Variants in RPL13A observed in about 807,000 individuals in gnomAD.
RPL13A encodes the protein large ribosomal subunit protein uL13.
RPL13A carries 4 observed loss-of-function variants against 30.8 expected under a neutral mutation model. The observed-to-expected ratio is 0.13, with a 90% CI of 0.06 to 0.30. The LOEUF is 0.30. RPL13A is among the 10% of genes least tolerant of loss of function. The probability of loss-of-function intolerance (pLI) is 1.00; values close to 1 mark genes in which losing one functional copy is unlikely to be tolerated. For synonymous variants in RPL13A, 108 were observed against 104.2 expected, an observed-to-expected ratio of 1.04 and a Z score of -0.22; for missense variants, 196 against 272.6, an observed-to-expected ratio of 0.72 and a Z score of 1.98.
At position 49,488,114 on chromosome 19, in the gene RPL13A, C is replaced by T. The variant is rs1010490427; in HGVS notation, c.15+470C>T. Among the ~76,000 whole-genome samples the T allele has an allele frequency of 5.9e-5, 9 of 152,282 alleles. No homozygotes were observed. The South Asian group carries it at 6.2e-4, about 11-fold the overall frequency. ...TTTGATTTCACGTGGAGGTGTTAAT[C>T]GGGGTCCCCTGCAGCTCCGGTTCTT... is the stretch of plus-strand genomic sequence containing the variant. On this transcript the variant is annotated intron_variant, in intron 1 of 7. Coordinates refer to ENST00000391857, the MANE Select transcript of RPL13A (RefSeq NM_012423.4).
chr19:49,491,015 T>C (rs750434651), intron 5 of RPL13A, 25 bp from the exon 6 acceptor site: 1 of 1,614,154 alleles, frequency 6.2e-7, no homozygotes, highest in South Asian at 1.1e-5. Flanking sequence ...TCCCGGGCTC[T>C]TAAGCCCCTC....
chr19:49,491,566 G>T lies in RPL13A; in HGVS notation c.525+19G>T. The T allele has an allele frequency of 6.4e-7, 1 of 1,552,588 alleles. No homozygotes were observed. Among genetic ancestry groups the T allele is most frequent in the East Asian group, 2.4e-5 (1 of 41,998 alleles). ...GCTCATGGTGAGGCCAGGGGCTGGT[G>T]CTGAGGGGGGCATCTCACTCCTGGA... On this transcript the variant is annotated intron_variant, in intron 7 of 7. Transcript: ENST00000391857.
Position 49,491,405 on chromosome 19 carries a change from C to CCT in RPL13A, c.403-19_403-18insTC. 5.3e-6 allele frequency: 1 copy of CCT among 187,714 alleles called. No individual in the cohort carries two copies. Among genetic ancestry groups the CCT allele is most frequent in the Non-Finnish European group, 1.0e-5 (1 of 100,438 alleles). 11.6% of individuals were successfully genotyped at this position (187,714 alleles called of 1,614,324 possible). A position where few individuals can be genotyped will look rare whatever the true frequency, so the allele number is the denominator to read the frequency against. On this transcript the variant is annotated intron_variant, in intron 6 of 7. Transcript: ENST00000391857. ...ATCCTTACAACTTCATTTGTTCACC[C>CCT]CCCCCCCCCCCCCCCGCAGTTTGCC...
At chr19:49,491,402 A>ACCCCCCCCCCCCCCCCCCCCCCCCCCC in intron 6 of RPL13A, 23 bp from the exon 7 acceptor site, 1 of 236,632 alleles carries the variant, frequency 4.2e-6, no homozygotes, top group Non-Finnish European at 7.8e-6. Context: ...TCATTTGTTC[A>ACCCCCCCCCCCCCCCCCCCCCCCCCCC]CCCCCCCCCC....
rs71180637 is a variant in RPL13A, at chr19:49,491,402, A to ACCCCCCCC, written c.403-12_403-5dup. The ACCCCCCCC allele has an allele frequency of 9.7e-5, 23 of 237,304 alleles. 4 individuals are homozygous for ACCCCCCCC. The highest frequency in any genetic ancestry group is 1.1e-4 in the Admixed American group (2 of 18,364). 14.7% of individuals were successfully genotyped at this position (237,304 alleles called of 1,614,324 possible). ...GATATCCTTACAACTTCATTTGTTC[A>ACCCCCCCC]CCCCCCCCCCCCCCCCCCGCAGTTT... is the stretch of plus-strand genomic sequence containing the variant. On this transcript the variant is annotated intron_variant, in intron 6 of 7. Transcript: ENST00000391857.
rs559917649 is a variant in RPL13A at position 49,491,878 on chromosome 19, T to G, written c.*63T>G. 7.5e-7 allele frequency: 1 copy of G among 1,338,718 alleles called. No homozygotes were observed. Among genetic ancestry groups the G allele is most frequent in the Non-Finnish European group, 1.0e-6 (1 of 957,334 alleles). The allele number at this position is 1,338,718 out of a possible 1,614,324, so 82.9% of individuals were successfully genotyped here. The stretch of plus-strand genomic sequence containing the variant: ...CCCTTCCTCCATTGTTGCCCTGGAA[T>G]GTACGGGACCCAGGGGCAGCAGCAG... On this transcript the variant is annotated 3_prime_UTR_variant, in exon 8 of 8. Transcript: ENST00000391857.
chr19:49,491,187 C>T, intron 6 of RPL13A, 88 bp downstream of exon 6: 3 of 1,447,774 alleles, frequency 2.1e-6, no homozygotes, highest in Non-Finnish European at 2.9e-6. Context: ...CAGATGATGT[C>T]CTTATCTCAC....
chr19:49,490,752 C>G (rs756223362), intron 4 of RPL13A, 27 bp from the exon 5 acceptor site: 1 of 1,613,198 alleles, frequency 6.2e-7, no homozygotes, highest in South Asian at 1.1e-5. Context: ...GGCCCTCTGA[C>G]TGGGCCTGCT....
chr19:49,492,106 A>T lies in RPL13A; in HGVS notation c.*291A>T. On this transcript the variant is annotated 3_prime_UTR_variant, in exon 8 of 8. Transcript: ENST00000391857. ...GAGGGCCCTATCTTGTGAGTGGGGC[A>T]TCTGTTGGACTTTCCACCTGGTCAT... The T allele has an allele frequency of 2.6e-6, 1 of 379,210 alleles. No individual in the cohort carries two copies. The highest frequency in any genetic ancestry group is 5.0e-6 in the Non-Finnish European group (1 of 201,836). 23.5% of individuals were successfully genotyped at this position (379,210 alleles called of 1,614,324 possible).
rs749197790 is a variant in RPL13A at position 49,491,710 on chromosome 19, C to T, written c.526-19C>T. On this transcript the variant is annotated intron_variant, in intron 7 of 7. Transcript: ENST00000391857. The stretch of plus-strand genomic sequence containing the variant: ...TGCAACCCCTCCTGACCACCACCAC[C>T]TGCACTTATTCTTGGCAGAGGCTAC... The T allele has an allele frequency of 1.2e-6, 2 of 1,611,112 alleles. No individual in the cohort carries two copies. The highest frequency in any genetic ancestry group is 1.7e-5 in the Admixed American group (1 of 59,612).
At chr19:49,490,949 T>G in intron 5 of RPL13A, 85 bp downstream of exon 5, 3 of 1,605,262 alleles carry the variant, frequency 1.9e-6, no homozygotes, top group Non-Finnish European at 2.6e-6. Flanking sequence ...TTGATCCTCA[T>G]GAAAGCAGCA....
rs777774368 is a variant in RPL13A at position 49,487,635 on chromosome 19, G to A, written c.6G>A (p.Ala2=). 2.1e-5 allele frequency: 33 copies of A among 1,572,764 alleles called. No individual in the cohort carries two copies. The South Asian group carries it at 2.9e-4, about 14-fold the overall frequency. Residue 2 remains alanine (A), a synonymous_variant, in exon 1 of 8, where the codon GCG becomes GCA. Transcript: ENST00000391857. M[A]EVQVLVLDGR... ...TTTCCAAGCGGCTGCCGAAGATGGC[G>A]GAGGTGCAGGTATGGGCTCCGCGCG...
intron 4 of RPL13A, 63 bp from the exon 5 acceptor site, chr19:49,490,716 A>C: frequency 6.3e-7 from 1 of 1,579,572 alleles, no homozygotes; most frequent in Middle Eastern, 1.7e-4. Context: ...GGCCCACCTC[A>C]GTGGGGTGGG....
Position 49,491,022 on chromosome 19 carries a change from CCT to C in RPL13A, c.343-13_343-12del, listed in dbSNP as rs754669732. On this transcript the variant is annotated splice_polypyrimidine_tract_variant and intron_variant, in intron 5 of 7. Coordinates refer to ENST00000391857, the MANE Select transcript of RPL13A (RefSeq NM_012423.4). ...TCTGTCCCTCCCGGGCTCTTAAGCC[CCT>C]CTCTTTCTCTAACAGAAAAAGCGGA... 7 of 1,614,108 alleles carry C rather than the reference CCT, an allele frequency of 4.3e-6. No homozygotes were observed. The highest frequency in any genetic ancestry group is 1.1e-5 in the South Asian group (1 of 91,092).
Position 49,489,844 on chromosome 19 carries a change from C to T in RPL13A, c.16-6C>T. 2 of 1,612,440 alleles carry T rather than the reference C, an allele frequency of 1.2e-6. No homozygotes were observed. The highest frequency in any genetic ancestry group is 1.7e-6 in the Non-Finnish European group (2 of 1,178,820). On this transcript the variant is annotated splice_region_variant and splice_polypyrimidine_tract_variant and intron_variant, in intron 1 of 7. Transcript: ENST00000391857. Reference sequence around the variant, plus strand: ...CTCTGAGTCCTTTTGCCCTTGTCTCCCACAGGTCCTGGTGCTTGATGGTCG... The same window carrying T: ...CTCTGAGTCCTTTTGCCCTTGTCTCTCACAGGTCCTGGTGCTTGATGGTCG...
chr19:49,490,663 A>G (rs1277502478), intron 4 of RPL13A, 87 bp downstream of exon 4: 3 of 1,571,792 alleles, frequency 1.9e-6, no homozygotes, highest in East Asian at 2.2e-5. Context: ...TTTCCCGACC[A>G]TGAGATGACT....
At chr19:49,491,326 A>C in intron 6 of RPL13A, 99 bp from the exon 7 acceptor site, 1 of 1,253,124 alleles carries the variant, frequency 8.0e-7, no homozygotes, top group Non-Finnish European at 1.2e-6. Context: ...CCCAGCTGTC[A>C]GTCACCTCCC....
chr19:49,490,958 C>T lies in RPL13A; in HGVS notation c.343-82C>T, dbSNP rs771952959. On this transcript the variant is annotated intron_variant, in intron 5 of 7. Coordinates refer to ENST00000391857, the MANE Select transcript of RPL13A (RefSeq NM_012423.4). Reference sequence around the variant, plus strand: ...CATTGTTTGATCCTCATGAAAGCAGCACTGGCTGAGACGCCAGTCCAGCCG... The same window carrying T: ...CATTGTTTGATCCTCATGAAAGCAGTACTGGCTGAGACGCCAGTCCAGCCG... The T allele has an allele frequency of 9.4e-6, 15 of 1,599,162 alleles. 1 individual carries two copies. In the South Asian group the frequency reaches 1.5e-4, roughly 16 times the overall value.
Position 49,491,974 on chromosome 19 carries a change from C to G in RPL13A, c.*159C>G. ...GGAAAGGGTCTTAGTCACTGCCTCCCGAAGTTGCTTGAAAGCACTCGGAGA... is the reference window on the plus strand; with the variant it reads ...GGAAAGGGTCTTAGTCACTGCCTCCGGAAGTTGCTTGAAAGCACTCGGAGA... On this transcript the variant is annotated 3_prime_UTR_variant, in exon 8 of 8. Transcript: ENST00000391857. 3.3e-6 allele frequency: 2 copies of G among 609,372 alleles called. No individual in the cohort carries two copies. The highest frequency in any genetic ancestry group is 2.0e-5 in the South Asian group (1 of 50,618). 37.7% of individuals were successfully genotyped at this position (609,372 alleles called of 1,614,324 possible). A position where few individuals can be genotyped will look rare whatever the true frequency, so the allele number is the denominator to read the frequency against.
Sources: gnomAD v4.1 joint callset for allele counts (sites outside exome capture counted in the v4.1 genomes callset) on GRCh38, gnomAD v4.1.1 for gene constraint, MANE v1.5 for transcripts, NCBI Gene and HGNC (gene_info 2026-07-23, HGNC 2026-07-21) for gene names.